The following IDUA variants were observed in gnomAD, a reference collection of about 807,000 sequenced individuals.
IDUA encodes alpha-L-iduronidase.
IDUA carries 65 observed loss-of-function variants against 68.9 expected under a neutral mutation model. The ratio of observed to expected loss-of-function variants is 0.94; its 90% CI spans 0.77 to 1.16. The LOEUF is 1.16. IDUA is among the 50% of genes most tolerant of loss of function. The probability of loss-of-function intolerance (pLI) is 0.00; values close to 1 mark genes in which losing one functional copy is unlikely to be tolerated. For missense variants in IDUA, 1,046 were observed against 938.0 expected (o/e 1.12, Z -1.50); for synonymous variants, 529 against 433.6 (o/e 1.22, Z -2.73).
intron 2 of IDUA, chr4:991,115 C>G: frequency 6.6e-7 from 1 of 1,524,460 alleles, no homozygotes; most frequent in Non-Finnish European, 8.8e-7. Context: ...TGTGCCCAAG[C>G]AGGGCTCCTC....
chr4:989,200 G>A (rs565674546), intron 2 of IDUA: 51 of 1,607,338 alleles, frequency 3.2e-5, no homozygotes, highest in African/African-American at 9.4e-5. Flanking sequence ...ACCGACCCCC[G>A]TCTCTGAGCC....
At position 1,003,133 on chromosome 4, in the gene IDUA, G is replaced by A; in HGVS notation, c.1500G>A (p.Gln500=). The A allele has an allele frequency of 1.4e-6, 2 of 1,466,442 alleles. No individual in the cohort carries two copies. Among genetic ancestry groups the A allele is most frequent in the East Asian group, 2.9e-5 (1 of 35,052 alleles). 90.8% of individuals were successfully genotyped at this position (1,466,442 alleles called of 1,614,324 possible). Residue 500 remains glutamine, a synonymous_variant, in exon 10 of 14, where the codon CAG becomes CAA. Coordinates refer to ENST00000514224, the MANE Select transcript of IDUA (RefSeq NM_000203.5). ...GGCCCGTCTTCCCCACGGCAGAGCA[G>A]TTCCGGCGCATGCGCGCGGCTGAGG... The part of the protein sequence containing the change: ...LGRPVFPTAE[Q]FRRMRAAEDP...
In IDUA at chr4:1,001,967, C is replaced by T; in HGVS notation, c.793-15C>T. 6.4e-7 allele frequency: 1 copy of T among 1,574,628 alleles called. No individual in the cohort carries two copies. Among genetic ancestry groups the T allele is most frequent in the Non-Finnish European group, 8.6e-7 (1 of 1,161,662 alleles). ...CGCGCTGACCCTGGTGGTGCTGAGG[C>T]GGCCCCGCCCGCAGGGTGCGCGCAG... On this transcript the variant is annotated splice_polypyrimidine_tract_variant and intron_variant, in intron 6 of 13. Coordinates refer to ENST00000514224, the MANE Select transcript of IDUA (RefSeq NM_000203.5).
chr4:1,003,233 C>G (rs1577543485), intron 10 of IDUA, 76 bp downstream of exon 10: 2 of 1,280,560 alleles, frequency 1.6e-6, no homozygotes, highest in East Asian at 6.5e-5. Context: ...GCGGGGGCTC[C>G]GAGGCGGTGT....
At chr4:987,535 G>C in intron 1 of IDUA, 1 of 1,050,900 alleles carries the variant, frequency 9.5e-7, no homozygotes, top group South Asian at 1.7e-5. Flanking sequence ...TGGCCTGCCT[G>C]TCCCATTCCT....
chr4:987,947 C>A lies in IDUA; in HGVS notation c.297C>A (p.Thr99=). ...ACTGGCTGCTGGAGCTTGTCACCAC[C>A]AGGTGGGCGGCGGGCAGGGTCTGGG... ...RTHWLLELVT[T]RGSTGRGLSY... is the part of the protein sequence containing the mutation. Residue 99 remains threonine (T), a splice_region_variant and synonymous_variant, in exon 2 of 14, where the codon ACC becomes ACA. Coordinates refer to ENST00000514224, the MANE Select transcript of IDUA (RefSeq NM_000203.5). The A allele has an allele frequency of 3.2e-6, 5 of 1,575,726 alleles. No individual in the cohort carries two copies. The highest frequency in any genetic ancestry group is 4.3e-6 in the Non-Finnish European group (5 of 1,160,870).
At chr4:1,001,238 T>G in intron 4 of IDUA, 1 of 626,030 alleles carries the variant, frequency 1.6e-6, no homozygotes, top group South Asian at 1.9e-5. Context: ...GGGGTACTCC[T>G]GGGCAGGCTG....
chr4:997,768 G>C (rs966407493), intron 2 of IDUA, among the ~76,000 whole-genome samples: 2 of 152,190 alleles, frequency 1.3e-5, no homozygotes, highest in African/African-American at 4.8e-5. Flanking sequence ...GGGCCCTCGG[G>C]CCTGTGGACT....
At chr4:992,868 G>A (rs1714480776) in intron 2 of IDUA, 1 of 152,254 alleles carries the variant, frequency 6.6e-6, no homozygotes, top group Admixed American at 6.5e-5. Flanking sequence ...GTTAGGCAAA[G>A]ACTTTGCTCC....
At position 1,003,642 on chromosome 4, in the gene IDUA, G is replaced by A. The variant is rs1426379775; in HGVS notation, c.1727+17G>A. ...GGGCTCCAAGTGCGTGAGTGGGGCC[G>A]CCCCTCCCTCTGCCTGGTCCTAGGC... is the stretch of plus-strand genomic sequence containing the variant. On this transcript the variant is annotated intron_variant, in intron 12 of 13. Transcript: ENST00000514224. The A allele has an allele frequency of 6.2e-7, 1 of 1,611,414 alleles. No homozygotes were observed. The highest frequency in any genetic ancestry group is 1.7e-5 in the Admixed American group (1 of 59,948).
At chr4:987,675 A>G in intron 1 of IDUA, 134 bp from the exon 2 acceptor site, 1 of 1,494,866 alleles carries the variant, frequency 6.7e-7, no homozygotes, top group Non-Finnish European at 8.9e-7. Flanking sequence ...CCTAAGGGTC[A>G]TTTTATTAGT....
In IDUA at chr4:1,003,645, C is replaced by T. The variant is rs1715264604; in HGVS notation, c.1727+20C>T. 1 of 1,611,458 alleles carries T rather than the reference C, an allele frequency of 6.2e-7. No individual in the cohort carries two copies. The highest frequency in any genetic ancestry group is 1.6e-4 in the Middle Eastern group (1 of 6,062). ...CTCCAAGTGCGTGAGTGGGGCCGCC[C>T]CTCCCTCTGCCTGGTCCTAGGCAGG... On this transcript the variant is annotated intron_variant, in intron 12 of 13. Coordinates refer to ENST00000514224, the MANE Select transcript of IDUA (RefSeq NM_000203.5).
At chr4:1,002,629 C>T (rs1715166440) in intron 8 of IDUA, 103 bp from the exon 9 acceptor site, 5 of 1,174,026 alleles carry the variant, frequency 4.3e-6, no homozygotes, top group Non-Finnish European at 5.8e-6. Context: ...CTGGGGACTC[C>T]TTCACCAAGG....
At position 1,004,287 on chromosome 4, in the gene IDUA, G is replaced by T; in HGVS notation, c.1856G>T (p.Arg619Leu). 1.2e-6 allele frequency: 2 copies of T among 1,610,694 alleles called. No homozygotes were observed. ...ACAGGTGCTGTCTCTGGCTCCTACC[G>T]AGTTCGAGCCCTGGACTACTGGGCC... Reference protein sequence around the residue: ...PDTGAVSGSYRVRALDYWARP... With the variant: ...PDTGAVSGSYLVRALDYWARP... Residue 619 changes from arginine (R) to leucine (L), a missense_variant, in exon 14 of 14, where the codon CGA (arginine) becomes CTA (leucine). Transcript: ENST00000514224. This position sits in a 1 kb window ranked among gnomAD's most constrained non-coding sequence, Gnocchi z 5.0.
chr4:987,522 AC>A, intron 1 of IDUA: 1 of 931,280 alleles, frequency 1.1e-6, no homozygotes, highest in Non-Finnish European at 1.5e-6. Context: ...CTGCAGCGGG[AC>A]CTGGCCTGCC....
At position 991,382 on chromosome 4, in the gene IDUA, CGAA is replaced by C. The variant is rs750081799; in HGVS notation, c.299+3438_299+3440del. 10 of 1,612,676 alleles carry C rather than the reference CGAA, an allele frequency of 6.2e-6. No individual in the cohort carries two copies. In the African/African-American group the frequency reaches 9.3e-5, roughly 15 times the overall value. ...CCCATGAGGAAGTAGATGAGGTTGGCGAAGAAGGACGTATAGAGGCTGTAGATG... is the reference window on the plus strand; with the variant it reads ...CCCATGAGGAAGTAGATGAGGTTGGCGAAGGACGTATAGAGGCTGTAGATG... On this transcript the variant is annotated intron_variant, in intron 2 of 13. Transcript: ENST00000514224.
intron 1 of IDUA, 29 bp from the exon 2 acceptor site, chr4:987,780 G>A (rs754402488): frequency 2.5e-6 from 4 of 1,611,376 alleles, no homozygotes; most frequent in Non-Finnish European, 3.4e-6. Context: ...CTGAGGCTCG[G>A]GACTGAGCCG....
chr4:994,977 ATTGC>A (rs1290078366), intron 2 of IDUA, among the ~76,000 whole-genome samples: 2 of 151,318 alleles, frequency 1.3e-5, no homozygotes, highest in Non-Finnish European at 2.9e-5. Flanking sequence ...AGGTAGGAGG[ATTGC>A]TTGAGCCCTG....
At position 1,002,722 on chromosome 4, in the gene IDUA, C is replaced by CA; in HGVS notation, c.1190-10_1190-9insA. ...ACCCCACGCGGCGACGGCCCCCCCC[C>CA]GCCCCGCAGATGAGGAGCAGCTCTG... is the stretch of plus-strand genomic sequence containing the variant. On this transcript the variant is annotated splice_polypyrimidine_tract_variant and intron_variant, in intron 8 of 13. Transcript: ENST00000514224. 2.7e-6 allele frequency: 4 copies of CA among 1,465,636 alleles called. No individual in the cohort carries two copies. The highest frequency in any genetic ancestry group is 3.6e-6 in the Non-Finnish European group (4 of 1,106,364). 90.8% of individuals were successfully genotyped at this position (1,465,636 alleles called of 1,614,324 possible).
Sources: allele counts gnomAD v4.1 joint callset (sites outside exome capture counted in the v4.1 genomes callset), GRCh38; gene constraint gnomAD v4.1.1; non-coding constraint Gnocchi (gnomAD v3.1); transcripts MANE v1.5; gene names NCBI Gene and HGNC (gene_info 2026-07-23, HGNC 2026-07-21).